GRIP1: variants seen among roughly 807,000 people sequenced by gnomAD.
GRIP1 encodes the protein glutamate receptor interacting protein 1, also known as glutamate receptor-interacting protein 1.
GRIP1 carries 45 observed loss-of-function variants against 129.9 expected under a neutral mutation model. The ratio of observed to expected loss-of-function variants is 0.35; its 90% CI spans 0.27 to 0.44. The LOEUF is 0.44. GRIP1 is among the 20% of genes least tolerant of loss of function. GRIP1 has a pLI of 1.00. For synonymous variants in GRIP1, 530 were observed against 520.8 expected (o/e 1.02, Z -0.24); for missense variants, 1,196 against 1,396.8 (o/e 0.86, Z 2.29).
chr12:66,853,898 T>C (rs1256148584), intron 1 of GRIP1, among the ~76,000 whole-genome samples: 1 of 152,114 alleles, frequency 6.6e-6, no homozygotes, highest in African/African-American at 2.4e-5. Context: ...CACAATTATC[T>C]TTTTAAAGAA....
At position 66,549,438 on chromosome 12, in the gene GRIP1, T is replaced by C. The variant is rs146384472; in HGVS notation, c.137-7488A>G. 1.7e-3 allele frequency among the ~76,000 whole-genome samples: 260 copies of C among 152,278 alleles called. 3 individuals carry two copies. Among genetic ancestry groups the C allele is most frequent in the Middle Eastern group, 0.01 (3 of 294 alleles). Reference sequence around the variant, plus strand: ...CTATAGCTATATCTGTGTACTACTATTGAAAAAAATATTATTGCTCATACT... The same window carrying C: ...CTATAGCTATATCTGTGTACTACTACTGAAAAAAATATTATTGCTCATACT... On this transcript the variant is annotated intron_variant, in intron 2 of 24. Transcript: ENST00000359742.
Position 66,609,067 on chromosome 12 carries a change from A to G in GRIP1, c.56-12140T>C, listed in dbSNP as rs530087003. ...GAGTAGGGGATTTACTTTTACAATC[A>G]TGGGTATTATTACCTCAAATTTCAC... is the stretch of plus-strand genomic sequence containing the variant. On this transcript the variant is annotated intron_variant, in intron 1 of 24. Coordinates refer to ENST00000359742, the MANE Select transcript of GRIP1 (RefSeq NM_001366722.1). Among the ~76,000 whole-genome samples, 5 of 152,058 alleles carry G rather than the reference A, an allele frequency of 3.3e-5. No individual in the cohort carries two copies. The South Asian group carries it at 6.2e-4, about 19-fold the overall frequency.
At chr12:66,379,532 G>T in intron 19 of GRIP1, 96 bp from the exon 20 acceptor site, 1 of 1,194,540 alleles carries the variant, frequency 8.4e-7, no homozygotes, top group Non-Finnish European at 1.3e-6. Flanking sequence ...AATTATAACG[G>T]CAATGACAAT....
At chr12:66,728,829 C>G (rs1156526369) in intron 1 of GRIP1, among the ~76,000 whole-genome samples, 1 of 152,012 alleles carries the variant, frequency 6.6e-6, no homozygotes, top group Non-Finnish European at 1.5e-5. Flanking sequence ...GAGATCTAAA[C>G]AAAACACTAA....
At chr12:67,000,536 T>C (rs2042536341) in intron 1 of GRIP1, among the ~76,000 whole-genome samples, 1 of 152,214 alleles carries the variant, frequency 6.6e-6, no homozygotes, top group East Asian at 1.9e-4. Context: ...GCAATTGAAC[T>C]GTACTCTATA....
intron 1 of GRIP1, among the ~76,000 whole-genome samples, chr12:67,021,069 G>C (rs758858777): frequency 2.0e-5 from 3 of 152,080 alleles, no homozygotes; most frequent in Non-Finnish European, 4.4e-5. Context: ...CTGCACTCCA[G>C]TCTGGATGAC....
chr12:66,465,154 C>T (rs1352465372), intron 8 of GRIP1, 121 bp downstream of exon 8: 1 of 736,504 alleles, frequency 1.4e-6, no homozygotes, highest in African/African-American at 1.8e-5. Context: ...CCATGTTGGC[C>T]AAGCTGGTCT....
At chr12:66,858,956 A>G (rs1566054231) in intron 1 of GRIP1, among the ~76,000 whole-genome samples, 1 of 151,970 alleles carries the variant, frequency 6.6e-6, no homozygotes, top group Admixed American at 6.6e-5. Flanking sequence ...AGAATGAGAT[A>G]ACTTTGCCCA....
At chr12:66,523,654 G>T (rs576049649) in intron 5 of GRIP1, among the ~76,000 whole-genome samples, 30 of 151,694 alleles carry the variant, frequency 2.0e-4, no homozygotes, top group Admixed American at 9.2e-4. Context: ...ACATCATAAT[G>T]ACAGGACCAA....
intron 1 of GRIP1, among the ~76,000 whole-genome samples, chr12:66,853,137 TCC>T (rs2039942909): frequency 6.6e-6 from 1 of 151,636 alleles, no homozygotes; most frequent in East Asian, 2.0e-4. Flanking sequence ...AGCTTTTTCT[TCC>T]GACTGTAATT....
At chr12:66,514,807 T>C (rs574812760) in intron 7 of GRIP1, among the ~76,000 whole-genome samples, 1 of 152,166 alleles carries the variant, frequency 6.6e-6, no homozygotes, top group African/African-American at 2.4e-5. Flanking sequence ...TATGCAGTTA[T>C]AGAGTAAGCC....
intron 1 of GRIP1, among the ~76,000 whole-genome samples, chr12:66,686,238 C>G (rs558005317): frequency 6.6e-6 from 1 of 152,266 alleles, no homozygotes; most frequent in South Asian, 2.1e-4. Flanking sequence ...CATAAGGACC[C>G]TGTTGTTCAC....
chr12:67,052,186 GTTA>G (rs2043357193), intron 1 of GRIP1, among the ~76,000 whole-genome samples: 2 of 152,140 alleles, frequency 1.3e-5, no homozygotes, highest in Admixed American at 1.3e-4. Context: ...TTAACAAGAA[GTTA>G]TTGTGTTACC....
chr12:67,052,851 T>C (rs999242985), intron 1 of GRIP1, among the ~76,000 whole-genome samples: 7 of 152,138 alleles, frequency 4.6e-5, no homozygotes, highest in African/African-American at 1.7e-4. Context: ...TTACTATGGT[T>C]ATTTTACAAA....
At chr12:66,906,394 C>T (rs973607846) in intron 1 of GRIP1, among the ~76,000 whole-genome samples, 3 of 151,890 alleles carry the variant, frequency 2.0e-5, no homozygotes, top group African/African-American at 2.4e-5. Flanking sequence ...AGTGCACCAC[C>T]GAACTCAGCC....
intron 15 of GRIP1, among the ~76,000 whole-genome samples, chr12:66,407,832 G>A (rs1461687550): frequency 6.6e-6 from 1 of 152,126 alleles, no homozygotes; most frequent in African/African-American, 2.4e-5. Flanking sequence ...AGTAGACTTG[G>A]GGGGCATGTG....
At position 66,804,019 on chromosome 12, in the gene GRIP1, G is replaced by C. The variant is rs540176189; in HGVS notation, c.-420+34C>G. 7.0e-6 allele frequency: 3 copies of C among 429,328 alleles called. No individual in the cohort carries two copies. In the East Asian group the frequency reaches 2.1e-4, roughly 30 times the overall value. The allele number at this position is 429,328 out of a possible 1,614,324, so 26.6% of individuals were successfully genotyped here. ...AGGTTTATTGTTAGCCCCAGCATGC[G>C]AGAAGGAACCGGAGGATGGAGAGAA... On this transcript the variant is annotated intron_variant, in intron 1 of 4. Coordinates refer to the GRIP1 transcript ENST00000538373.
At chr12:66,942,365 T>C (rs557782238) in intron 1 of GRIP1, among the ~76,000 whole-genome samples, 2 of 152,308 alleles carry the variant, frequency 1.3e-5, no homozygotes, top group Admixed American at 1.3e-4. Flanking sequence ...AAAACTACAT[T>C]TGTGTGTAGA....
chr12:66,831,277 G>T (rs1394975906), intron 1 of GRIP1, among the ~76,000 whole-genome samples: 1 of 152,102 alleles, frequency 6.6e-6, no homozygotes, highest in Non-Finnish European at 1.5e-5. Flanking sequence ...GGTGACACTA[G>T]GCTCGTTTTT....
Sources: gnomAD v4.1 joint callset for allele counts (sites outside exome capture counted in the v4.1 genomes callset) on GRCh38, gnomAD v4.1.1 for gene constraint, MANE v1.5 for transcripts, NCBI Gene and HGNC (gene_info 2026-07-23, HGNC 2026-07-21) for gene names.